ZMAT4: variants seen among roughly 807,000 people sequenced by gnomAD.
ZMAT4 encodes zinc finger matrin-type protein 4.
Under a neutral mutation model 28.7 loss-of-function variants are expected in ZMAT4, and 17 were observed. The ratio of observed to expected loss-of-function variants is 0.59; its 90% CI spans 0.41 to 0.89. ZMAT4 has a LOEUF of 0.89. ZMAT4 is among the 40% of genes least tolerant of loss of function. ZMAT4 has a pLI of 0.00. For missense variants in ZMAT4, 240 were observed against 283.8 expected (o/e 0.85, Z 1.11); for synonymous variants, 117 against 109.2 (o/e 1.07, Z -0.44).
intron 1 of ZMAT4, among the ~76,000 whole-genome samples, chr8:40,834,385 G>A (rs1022233621): frequency 2.0e-5 from 3 of 152,084 alleles, no homozygotes; most frequent in African/African-American, 7.2e-5. Flanking sequence ...AGCAGAGCAG[G>A]TGCTGACCAG....
At chr8:40,705,608 A>T (rs924253498) in intron 3 of ZMAT4, among the ~76,000 whole-genome samples, 4 of 152,174 alleles carry the variant, frequency 2.6e-5, no homozygotes, top group Admixed American at 6.5e-5. Context: ...CATTTTTTCA[A>T]ATTTATTTTT....
chr8:40,749,234 T>A (rs1219062128), intron 3 of ZMAT4, among the ~76,000 whole-genome samples: 1 of 152,104 alleles, frequency 6.6e-6, no homozygotes, highest in Non-Finnish European at 1.5e-5. Flanking sequence ...CAGAAAGAGG[T>A]TCAGGATCAT....
At chr8:40,637,848 A>C (rs1806854322) in intron 5 of ZMAT4, among the ~76,000 whole-genome samples, 1 of 152,216 alleles carries the variant, frequency 6.6e-6, no homozygotes, top group African/African-American at 2.4e-5. Flanking sequence ...CTTTTATGCC[A>C]ACCTACAAAA....
At chr8:40,685,400 G>A (rs1414127690) in intron 4 of ZMAT4, among the ~76,000 whole-genome samples, 1 of 152,176 alleles carries the variant, frequency 6.6e-6, no homozygotes, top group African/African-American at 2.4e-5. Flanking sequence ...GGGTACATAA[G>A]ACTTGCAGAC....
chr8:40,811,748 A>AG (rs1169096498), intron 2 of ZMAT4, among the ~76,000 whole-genome samples: 11 of 152,210 alleles, frequency 7.2e-5, no homozygotes, highest in Non-Finnish European at 1.6e-4. Flanking sequence ...TAAATGCAGG[A>AG]ACATGGATGG....
intron 5 of ZMAT4, among the ~76,000 whole-genome samples, chr8:40,599,496 C>T (rs1215074191): frequency 3.3e-5 from 5 of 151,992 alleles, no homozygotes; most frequent in Admixed American, 3.3e-4. Context: ...AAAACTTGAC[C>T]AAAGAAGGGT....
intron 4 of ZMAT4, among the ~76,000 whole-genome samples, chr8:40,694,883 GACC>G (rs1809813456): frequency 6.6e-6 from 1 of 152,032 alleles, no homozygotes. Context: ...TGTAAAAACT[GACC>G]ATAAAGAAAT....
intron 6 of ZMAT4, among the ~76,000 whole-genome samples, chr8:40,580,312 T>C (rs976042435): frequency 6.6e-6 from 1 of 152,020 alleles, no homozygotes; most frequent in African/African-American, 2.4e-5. Flanking sequence ...GCACCCGGCC[T>C]ATTCATCTTT....
chr8:40,776,786 C>A (rs1290667772), intron 2 of ZMAT4, among the ~76,000 whole-genome samples: 1 of 152,162 alleles, frequency 6.6e-6, no homozygotes, highest in Non-Finnish European at 1.5e-5. Context: ...ACAACATGAG[C>A]CAATCCTGAG....
intron 5 of ZMAT4, among the ~76,000 whole-genome samples, chr8:40,647,227 G>C (rs1202668119): frequency 2.0e-5 from 3 of 152,174 alleles, no homozygotes; most frequent in Non-Finnish European, 4.4e-5. Flanking sequence ...CCCACCGTGC[G>C]TGAGCTGAAG....
At chr8:40,894,216 GCC>G (rs1330280862) in intron 1 of ZMAT4, among the ~76,000 whole-genome samples, 1 of 152,230 alleles carries the variant, frequency 6.6e-6, no homozygotes, top group Non-Finnish European at 1.5e-5. Flanking sequence ...CGAAGCATCT[GCC>G]CTGTCTGCCT....
At chr8:40,608,561 G>C (rs919940611) in intron 5 of ZMAT4, among the ~76,000 whole-genome samples, 1 of 152,112 alleles carries the variant, frequency 6.6e-6, no homozygotes, top group African/African-American at 2.4e-5. Flanking sequence ...CACGGTTTTT[G>C]TGCTGGTATC....
intron 5 of ZMAT4, among the ~76,000 whole-genome samples, chr8:40,600,066 G>A (rs999426763): frequency 1.3e-5 from 2 of 152,244 alleles, no homozygotes; most frequent in South Asian, 4.1e-4. Flanking sequence ...TCTCAAGACA[G>A]GCATCTTTCT....
chr8:40,628,855 C>G (rs1458045095), intron 5 of ZMAT4, among the ~76,000 whole-genome samples: 1 of 152,120 alleles, frequency 6.6e-6, no homozygotes, highest in African/African-American at 2.4e-5. Context: ...CAACATAGAT[C>G]TCTACTATAC....
chr8:40,592,516 C>T (rs973988890), intron 5 of ZMAT4, among the ~76,000 whole-genome samples: 4 of 152,180 alleles, frequency 2.6e-5, no homozygotes, highest in Non-Finnish European at 5.9e-5. Context: ...AATTATTTCT[C>T]TATTTAAATA....
intron 5 of ZMAT4, among the ~76,000 whole-genome samples, chr8:40,666,162 A>C (rs1808406028): frequency 1.3e-5 from 2 of 152,328 alleles, no homozygotes; most frequent in Admixed American, 1.3e-4. Flanking sequence ...TCTGTGTTTT[A>C]TACTGGCAAG....
At chr8:40,667,703 C>T (rs1808480958) in intron 5 of ZMAT4, among the ~76,000 whole-genome samples, 1 of 152,004 alleles carries the variant, frequency 6.6e-6, no homozygotes, top group Non-Finnish European at 1.5e-5. Flanking sequence ...GCTGGAAGTG[C>T]TCTTAAGAAG....
At chr8:40,552,256 T>C (rs1803389891) in intron 6 of ZMAT4, among the ~76,000 whole-genome samples, 1 of 152,164 alleles carries the variant, frequency 6.6e-6, no homozygotes, top group Non-Finnish European at 1.5e-5. Flanking sequence ...GTACACCCTT[T>C]AGGTCATCTT....
chr8:40,610,344 C>G (rs2118652509), intron 5 of ZMAT4, among the ~76,000 whole-genome samples: 1 of 152,248 alleles, frequency 6.6e-6, no homozygotes, highest in Non-Finnish European at 1.5e-5. Context: ...ACCAATAAAA[C>G]TTTGCAAGCA....
Sources: allele counts gnomAD v4.1 joint callset (sites outside exome capture counted in the v4.1 genomes callset), GRCh38; gene constraint gnomAD v4.1.1; transcripts MANE v1.5; gene names NCBI Gene and HGNC (gene_info 2026-07-23, HGNC 2026-07-21).